The following KIT variants were observed in gnomAD, a reference collection of about 807,000 sequenced individuals.
The protein encoded by KIT is KIT proto-oncogene, receptor tyrosine kinase, also known as mast/stem cell growth factor receptor Kit.
Under a neutral mutation model 105.7 loss-of-function variants are expected in KIT, and 16 were observed. That is an observed-to-expected ratio of 0.15 (90% CI 0.10 to 0.23). The LOEUF (loss-of-function observed/expected upper bound fraction) is 0.23. KIT is among the 10% of genes least tolerant of loss of function. The probability of loss-of-function intolerance (pLI) is 1.00; values close to 1 mark genes in which losing one functional copy is unlikely to be tolerated. For synonymous variants in KIT, 438 were observed against 441.1 expected, an observed-to-expected ratio of 0.99 and a Z score of 0.09; for missense variants, 858 against 1,213.8, an observed-to-expected ratio of 0.71 and a Z score of 4.36.
chr4:54,710,678 G>C (rs1721097650), intron 7 of KIT, among the ~76,000 whole-genome samples: 2 of 151,768 alleles, frequency 1.3e-5, no homozygotes, highest in Non-Finnish European at 2.9e-5. Flanking sequence ...TGAGTATCTG[G>C]GACTATAGGC....
At chr4:54,676,501 A>T (rs1272519343) in intron 1 of KIT, among the ~76,000 whole-genome samples, 1 of 152,182 alleles carries the variant, frequency 6.6e-6, no homozygotes, top group East Asian at 1.9e-4. Context: ...AGAAAGATAG[A>T]TATGAGTTTC....
intron 14 of KIT, among the ~76,000 whole-genome samples, chr4:54,730,878 T>A (rs1577999822): frequency 6.6e-6 from 1 of 152,182 alleles, no homozygotes; most frequent in East Asian, 1.9e-4. Flanking sequence ...CAACTTGATT[T>A]TTTTTTAAAC....
At chr4:54,658,835 CTT>C (rs1381649630) in intron 1 of KIT, among the ~76,000 whole-genome samples, 1 of 152,192 alleles carries the variant, frequency 6.6e-6, no homozygotes, top group Admixed American at 6.5e-5. Flanking sequence ...AGGTTGCAGA[CTT>C]TTTGCTTTCG....
chr4:54,717,390 C>T (rs1023401001), intron 7 of KIT, among the ~76,000 whole-genome samples: 9 of 152,148 alleles, frequency 5.9e-5, no homozygotes, highest in Non-Finnish European at 1.5e-5. Flanking sequence ...GATGTAAACA[C>T]TGAACCTGTA....
intron 1 of KIT, among the ~76,000 whole-genome samples, chr4:54,658,507 C>G (rs1429969159): frequency 6.6e-6 from 1 of 152,066 alleles, no homozygotes; most frequent in Non-Finnish European, 1.5e-5. Flanking sequence ...GTGTGTGTGA[C>G]CGGCGCCCGG....
chr4:54,683,029 G>A (rs1198182309), intron 1 of KIT, among the ~76,000 whole-genome samples: 1 of 151,984 alleles, frequency 6.6e-6, no homozygotes, highest in Non-Finnish European at 1.5e-5. Context: ...TGGGATTACA[G>A]GTGTGAGCTA....
chr4:54,720,854 C>G (rs1483097270), intron 7 of KIT, among the ~76,000 whole-genome samples: 1 of 152,122 alleles, frequency 6.6e-6, no homozygotes, highest in East Asian at 1.9e-4. Flanking sequence ...TCCCACTCAT[C>G]ATTCATCTCA....
At chr4:54,669,217 C>CCG (rs894910889) in intron 1 of KIT, among the ~76,000 whole-genome samples, 13 of 151,994 alleles carry the variant, frequency 8.6e-5, no homozygotes, top group African/African-American at 3.1e-4. Context: ...GAGGACCCCC[C>CCG]CCCCTTGCTT....
intron 1 of KIT, among the ~76,000 whole-genome samples, chr4:54,661,620 A>C (rs1170999612): frequency 1.3e-5 from 2 of 152,240 alleles, no homozygotes; most frequent in Non-Finnish European, 2.9e-5. Flanking sequence ...CTTTTGCTGC[A>C]TTAATGTGCG....
At position 54,736,618 on chromosome 4, in the gene KIT, A is replaced by T. The variant is rs1401117141; in HGVS notation, c.2596+9A>T. 2 of 1,609,344 alleles carry T rather than the reference A, an allele frequency of 1.2e-6. No homozygotes were observed. Among genetic ancestry groups the T allele is most frequent in the South Asian group, 1.1e-5 (1 of 90,996 alleles). On this transcript the variant is annotated intron_variant, in intron 18 of 20. Coordinates refer to ENST00000288135, the MANE Select transcript of KIT (RefSeq NM_000222.3). ...GGAGCTGTTCTCTTTAGGTAAAATG[A>T]TCCTTGCCAAAGACAACTTCATTAG...
chr4:54,727,074 C>A (rs1378222163), intron 9 of KIT, 144 bp from the exon 10 acceptor site: 4 of 750,668 alleles, frequency 5.3e-6, no homozygotes, highest in Non-Finnish European at 4.8e-6. Context: ...ACAATGTAAC[C>A]AAGGTGAAGC....
rs1166111267 is a variant in KIT, at chr4:54,733,280, G to A, written c.2484+88G>A. 10 of 1,426,068 alleles carry A rather than the reference G, an allele frequency of 7.0e-6. No individual in the cohort carries two copies. In the East Asian group the frequency reaches 9.1e-5, roughly 13 times the overall value. 88.3% of individuals were successfully genotyped at this position (1,426,068 alleles called of 1,614,324 possible). The stretch of plus-strand genomic sequence containing the variant: ...AATTGTTTCCTGTGATTTTCATAAT[G>A]TAAATCCTGTCTAGGGATATCACAC... On this transcript the variant is annotated intron_variant, in intron 17 of 20. Transcript: ENST00000288135.
intron 7 of KIT, among the ~76,000 whole-genome samples, chr4:54,720,006 T>C (rs1007228574): frequency 4.6e-5 from 7 of 152,044 alleles, no homozygotes; most frequent in Non-Finnish European, 1.0e-4. Flanking sequence ...GTGTGAAATA[T>C]AAGGAGGTGC....
intron 5 of KIT, among the ~76,000 whole-genome samples, chr4:54,704,610 G>GAGC (rs1306503538): frequency 6.6e-6 from 1 of 152,180 alleles, no homozygotes; most frequent in Non-Finnish European, 1.5e-5. Flanking sequence ...AAAGAGAGCA[G>GAGC]AGCATAGTGA....
intron 3 of KIT, 91 bp from the exon 4 acceptor site, chr4:54,699,539 G>A: frequency 5.0e-6 from 7 of 1,408,472 alleles, no homozygotes; most frequent in Non-Finnish European, 7.0e-6. Context: ...AGATGACAAA[G>A]TAAGCTGTAC....
chr4:54,738,947 A>C lies in KIT; in HGVS notation c.*390A>C. 1 of 536,162 alleles carries C rather than the reference A, an allele frequency of 1.9e-6. No homozygotes were observed. Among genetic ancestry groups the C allele is most frequent in the South Asian group, 3.2e-5 (1 of 30,962 alleles). 33.2% of individuals were successfully genotyped at this position (536,162 alleles called of 1,614,324 possible). On this transcript the variant is annotated 3_prime_UTR_variant, in exon 21 of 21. Coordinates refer to ENST00000288135, the MANE Select transcript of KIT (RefSeq NM_000222.3). ...GGCCTTCAGAACCATCCATAGTAGT[A>C]TGATGATACAAGATTAGAAGCTGAA...
rs1268834189 is a variant in KIT, at chr4:54,738,541, T to G, written c.2915T>G (p.Val972Gly). 1 of 1,613,968 alleles carries G rather than the reference T, an allele frequency of 6.2e-7. No individual in the cohort carries two copies. Among genetic ancestry groups the G allele is most frequent in the Non-Finnish European group, 8.5e-7 (1 of 1,180,026 alleles). ...STASSSQPLL[V>G]HDDV ...GCTTCCTCCTCCCAGCCTCTGCTTG[T>G]GCACGACGATGTCTGAGCAGAATCA... Residue 972 changes from valine to glycine, a missense_variant, in exon 21 of 21, where the codon GTG becomes GGG. This residue lies in a region of KIT where 105 missense variants were observed against 103.5 expected (regional missense o/e 1.01). Transcript: ENST00000288135.
intron 9 of KIT, among the ~76,000 whole-genome samples, chr4:54,726,874 C>G (rs1177420836): frequency 6.6e-6 from 1 of 151,778 alleles, no homozygotes; most frequent in Non-Finnish European, 1.5e-5. Context: ...ATAAACCGTC[C>G]ATAAAGGAAG....
At chr4:54,731,504 A>G (rs1560420945) in intron 15 of KIT, 85 bp downstream of exon 15, 1 of 962,908 alleles carries the variant, frequency 1.0e-6, no homozygotes, top group Non-Finnish European at 1.7e-6. Flanking sequence ...CATCATTCCC[A>G]GTAGCAATGA....
Sources: allele counts gnomAD v4.1 joint callset (sites outside exome capture counted in the v4.1 genomes callset), GRCh38; gene constraint gnomAD v4.1.1; regional missense constraint gnomAD v4.1.1; transcripts MANE v1.5; gene names NCBI Gene and HGNC (gene_info 2026-07-23, HGNC 2026-07-21).